The following CHD6 variants were observed in gnomAD, a reference collection of about 807,000 sequenced individuals.
CHD6 encodes chromodomain helicase DNA binding protein 6, also known as ATP-dependent chromatin remodeler CHD6.
CHD6 carries 50 observed loss-of-function variants against 276.9 expected under a neutral mutation model. The observed-to-expected ratio is 0.18, with a 90% CI of 0.14 to 0.23. CHD6 has a LOEUF of 0.23. Ranked by LOEUF, CHD6 falls within the 10% of genes least tolerant of loss-of-function variation. The pLI is 1.00. For synonymous variants in CHD6, 1,173 were observed against 1,229.3 expected (o/e 0.95, Z 0.96); for missense variants, 2,564 against 3,365.8 (o/e 0.76, Z 5.89).
intron 17 of CHD6, among the ~76,000 whole-genome samples, chr20:41,464,206 G>C (rs1298266124): frequency 2.0e-5 from 3 of 152,166 alleles, no homozygotes; most frequent in African/African-American, 7.2e-5. Flanking sequence ...CTATTCACTT[G>C]ATACACAGCT....
chr20:41,578,703 AAAAG>A (rs1290434767), intron 1 of CHD6, among the ~76,000 whole-genome samples: 16 of 151,228 alleles, frequency 1.1e-4, no homozygotes, highest in Non-Finnish European at 2.1e-4. Flanking sequence ...AAAAAAAAAA[AAAAG>A]AAAGAAAGAA....
intron 31 of CHD6, among the ~76,000 whole-genome samples, chr20:41,420,090 G>T (rs753487030): frequency 1.3e-5 from 2 of 152,122 alleles, no homozygotes; most frequent in Non-Finnish European, 2.9e-5. Flanking sequence ...AAATTTATTT[G>T]TATTTTTGTT....
rs866490586 is a variant in CHD6, at chr20:41,549,488, T to G, written c.33+1817A>C. Among the ~76,000 whole-genome samples the G allele has an allele frequency of 7.0e-3, 697 of 98,984 alleles. 12 individuals are homozygous for G. Among genetic ancestry groups the G allele is most frequent in the African/African-American group, 0.027 (660 of 24,760 alleles). 64.9% of individuals were successfully genotyped at this position (98,984 alleles called of 152,430 possible). ...AAGGGGAACATCACACTCCGGAGAC[T>G]GTTGTGGGGTGGGGGGAGGGGGGAG... On this transcript the variant is annotated intron_variant, in intron 2 of 36. Coordinates refer to ENST00000373233, the MANE Select transcript of CHD6 (RefSeq NM_032221.5).
intron 29 of CHD6, among the ~76,000 whole-genome samples, chr20:41,424,075 AT>A (rs3215513): frequency 0.35 from 53,484 of 151,500 alleles, 9,779 homozygotes; most frequent in African/African-American, 0.45. Context: ...ATCTAGCCTT[AT>A]TTTTTTTTAC....
At chr20:41,519,469 GAAAACTACCTATCTAA>G (rs1244012961) in intron 3 of CHD6, among the ~76,000 whole-genome samples, 2 of 152,064 alleles carry the variant, frequency 1.3e-5, no homozygotes, top group African/African-American at 4.8e-5. Flanking sequence ...GTAAAATAAT[GAAAACTACCTATCTAA>G]ACATAAATGA....
chr20:41,408,889 T>C (rs2046762098), intron 36 of CHD6, among the ~76,000 whole-genome samples: 1 of 152,248 alleles, frequency 6.6e-6, no homozygotes. Flanking sequence ...TCAGGGGATC[T>C]AGGACCAGAC....
At chr20:41,438,073 A>C (rs529645358) in intron 26 of CHD6, among the ~76,000 whole-genome samples, 5 of 152,292 alleles carry the variant, frequency 3.3e-5, no homozygotes, top group African/African-American at 7.2e-5. Context: ...AATGAGGCCT[A>C]ATGTTGCAAC....
intron 19 of CHD6, 72 bp from the exon 20 acceptor site, chr20:41,454,808 C>T: frequency 2.0e-6 from 2 of 977,200 alleles, no homozygotes; most frequent in Non-Finnish European, 3.2e-6. Context: ...AGTGTTACTT[C>T]AAGAGAAACC....
intron 17 of CHD6, among the ~76,000 whole-genome samples, chr20:41,468,932 C>A (rs1443168702): frequency 6.6e-6 from 1 of 152,068 alleles, no homozygotes; most frequent in Admixed American, 6.5e-5. Context: ...GTGGAGGCTG[C>A]GGTGAACTGA....
chr20:41,597,718 T>C (rs2045732486), intron 1 of CHD6, among the ~76,000 whole-genome samples: 1 of 151,704 alleles, frequency 6.6e-6, no homozygotes, highest in African/African-American at 2.4e-5. Context: ...GCCTAATCTG[T>C]CTATCCTTTT....
chr20:41,609,342 C>T (rs893625376), intron 1 of CHD6, among the ~76,000 whole-genome samples: 2 of 152,150 alleles, frequency 1.3e-5, no homozygotes, highest in Non-Finnish European at 2.9e-5. Context: ...AGAAGAAAGT[C>T]AGACAAAAAA....
At chr20:41,606,716 T>C (rs908713315) in intron 1 of CHD6, among the ~76,000 whole-genome samples, 26 of 150,980 alleles carry the variant, frequency 1.7e-4, no homozygotes, top group African/African-American at 6.1e-4. Flanking sequence ...TCCACTGCAA[T>C]AGCCTCTGAA....
At chr20:41,572,647 C>T (rs1274879912) in intron 1 of CHD6, among the ~76,000 whole-genome samples, 3 of 152,120 alleles carry the variant, frequency 2.0e-5, no homozygotes, top group Admixed American at 6.5e-5. Context: ...ACAGCGGCAC[C>T]CAACTCCCTT....
chr20:41,486,920 T>C (rs536952492), intron 14 of CHD6, among the ~76,000 whole-genome samples: 1 of 152,220 alleles, frequency 6.6e-6, no homozygotes, highest in East Asian at 1.9e-4. Context: ...TCCCTCAAGA[T>C]GCATTTTCAA....
chr20:41,497,340 G>A (rs749989629), intron 8 of CHD6, 44 bp downstream of exon 8: 2 of 1,217,932 alleles, frequency 1.6e-6, no homozygotes, highest in Admixed American at 1.7e-5. Flanking sequence ...ATTTACTGCT[G>A]CAAGAAAAGC....
At chr20:41,562,126 T>C (rs571206901) in intron 1 of CHD6, among the ~76,000 whole-genome samples, 1 of 152,274 alleles carries the variant, frequency 6.6e-6, no homozygotes, top group South Asian at 2.1e-4. Flanking sequence ...AAAAAAACTC[T>C]TCATGTTCTA....
intron 2 of CHD6, among the ~76,000 whole-genome samples, chr20:41,534,859 T>A (rs1447821081): frequency 2.6e-5 from 4 of 152,168 alleles, no homozygotes; most frequent in Non-Finnish European, 5.9e-5. Flanking sequence ...ACCACAATTT[T>A]AAAAACTGTT....
intron 3 of CHD6, among the ~76,000 whole-genome samples, chr20:41,524,641 T>A (rs946240450): frequency 6.6e-6 from 1 of 152,172 alleles, no homozygotes; most frequent in African/African-American, 2.4e-5. Context: ...TAACCCCAAA[T>A]ACGCTCATGC....
rs1397051341 is a variant in CHD6, at chr20:41,415,172, A to G, written c.6939+14T>C. The G allele has an allele frequency of 6.3e-7, 1 of 1,598,342 alleles. No homozygotes were observed. Among genetic ancestry groups the G allele is most frequent in the Non-Finnish European group, 8.5e-7 (1 of 1,171,274 alleles). ...AAAGGTAAATGTTTTTAATCTAATG[A>G]CCTCAATACCCACCAAGATTCCCGC... On this transcript the variant is annotated intron_variant, in intron 34 of 36. Transcript: ENST00000373233.
Sources: gnomAD v4.1 joint callset for allele counts (sites outside exome capture counted in the v4.1 genomes callset) on GRCh38, gnomAD v4.1.1 for gene constraint, MANE v1.5 for transcripts, NCBI Gene and HGNC (gene_info 2026-07-23, HGNC 2026-07-21) for gene names.